The following CREB5 variants were observed in gnomAD, a reference collection of about 807,000 sequenced individuals.
The protein encoded by CREB5 is cyclic AMP-responsive element-binding protein 5.
CREB5 carries 19 observed loss-of-function variants against 57.1 expected under a neutral mutation model. The ratio of observed to expected loss-of-function variants is 0.33; its 90% CI spans 0.23 to 0.49. The LOEUF is 0.49. Ranked by LOEUF, CREB5 falls within the 20% of genes least tolerant of loss-of-function variation. The pLI, the probability that CREB5 is intolerant of heterozygous loss-of-function variation, is 0.99. For synonymous variants in CREB5, 238 were observed against 238.3 expected (o/e 1.00, Z 0.01); for missense variants, 579 against 671.6 (o/e 0.86, Z 1.52).
intron 1 of CREB5, among the ~76,000 whole-genome samples, chr7:28,445,650 C>CA (rs1789413437): frequency 6.6e-6 from 1 of 151,982 alleles, no homozygotes; most frequent in African/African-American, 2.4e-5. Flanking sequence ...CTCCCAGGTT[C>CA]ACGCCATTCT....
At chr7:28,347,101 C>A (rs189704517) in intron 1 of CREB5, among the ~76,000 whole-genome samples, 1 of 152,298 alleles carries the variant, frequency 6.6e-6, no homozygotes, top group Admixed American at 6.5e-5. Context: ...ATCTTGTACA[C>A]TGTGGCCCTG....
At chr7:28,715,799 T>C (rs965791569) in intron 5 of CREB5, among the ~76,000 whole-genome samples, 10 of 152,224 alleles carry the variant, frequency 6.6e-5, no homozygotes, top group Admixed American at 1.3e-4. Flanking sequence ...TCCAAACATA[T>C]AGGGATCTCA....
At chr7:28,579,327 G>A (rs1438936088) in intron 5 of CREB5, among the ~76,000 whole-genome samples, 2 of 152,292 alleles carry the variant, frequency 1.3e-5, no homozygotes, top group Non-Finnish European at 1.5e-5. Flanking sequence ...TTAGCAGGTA[G>A]TCTAGTAATC....
At chr7:28,813,200 A>G (rs1257881539) in intron 9 of CREB5, among the ~76,000 whole-genome samples, 2 of 152,160 alleles carry the variant, frequency 1.3e-5, no homozygotes, top group Non-Finnish European at 2.9e-5. Flanking sequence ...TCTCCTGTTG[A>G]CCTAACCCAC....
intron 5 of CREB5, among the ~76,000 whole-genome samples, chr7:28,640,701 A>C (rs569732995): frequency 1.7e-3 from 253 of 152,296 alleles, no homozygotes; most frequent in Middle Eastern, 3.4e-3. Flanking sequence ...GAGTGTTGCC[A>C]GGACAGCATT....
rs1438754128 is a variant in CREB5 at position 28,570,529 on chromosome 7, C to T, written c.456C>T (p.Arg152=). The T allele has an allele frequency of 6.2e-7, 1 of 1,613,800 alleles. No individual in the cohort carries two copies. The highest frequency in any genetic ancestry group is 1.3e-5 in the African/African-American group (1 of 75,042). The stretch of plus-strand genomic sequence containing the variant: ...TCACTCAGGCACCTTCCACCAACCG[C>T]CAGATCGGGTAAGGAGCCCTCCTTG... ...SVITQAPSTN[R]QIGPVPGSLS... The change falls in exon 5 of 11, where the codon CGC becomes CGT. Residue 152 remains arginine, a synonymous_variant. Coordinates refer to ENST00000357727, the MANE Select transcript of CREB5 (RefSeq NM_182898.4).
intron 5 of CREB5, among the ~76,000 whole-genome samples, chr7:28,665,332 C>G (rs1799780555): frequency 1.3e-5 from 2 of 152,182 alleles, no homozygotes; most frequent in Admixed American, 1.3e-4. Flanking sequence ...TTAGAAAACT[C>G]TGCTTAATAC....
chr7:28,362,517 A>T (rs1786507242), intron 1 of CREB5, among the ~76,000 whole-genome samples: 2 of 152,202 alleles, frequency 1.3e-5, no homozygotes, highest in Non-Finnish European at 2.9e-5. Flanking sequence ...CAAGTGCATG[A>T]GAGATTTAAA....
intron 9 of CREB5, among the ~76,000 whole-genome samples, chr7:28,814,381 G>A (rs1173198877): frequency 1.3e-5 from 2 of 152,118 alleles, no homozygotes; most frequent in African/African-American, 2.4e-5. Flanking sequence ...TGAAGGCTCC[G>A]TAGATGCTCT....
At chr7:28,560,861 TGTGCCTGCGTGC>T (rs1436836595) in intron 4 of CREB5, among the ~76,000 whole-genome samples, 1 of 45,862 alleles carries the variant, frequency 2.2e-5, no homozygotes, top group African/African-American at 8.8e-5. Context: ...TGTGTGTGCG[TGTGCCTGCGTGC>T]GCGTGCGTGC....
chr7:28,591,431 C>T (rs571275057), intron 5 of CREB5, among the ~76,000 whole-genome samples: 1 of 152,114 alleles, frequency 6.6e-6, no homozygotes, highest in Admixed American at 6.6e-5. Flanking sequence ...TGCTTAGTAC[C>T]GTGCTTGTAA....
rs547517608 is a variant in CREB5, at chr7:28,443,435, T to C, written c.3+30518T>C. On this transcript the variant is annotated intron_variant, in intron 1 of 10. Coordinates refer to ENST00000357727, the MANE Select transcript of CREB5 (RefSeq NM_182898.4). ...CTGCTCCAGAGGGACACACTAAGTC[T>C]GTCTTCTAACTCTGCTGTGCAAACA... Among the ~76,000 whole-genome samples, 11 of 152,314 alleles carry C rather than the reference T, an allele frequency of 7.2e-5. 2 individuals are homozygous for C. In the South Asian group the frequency reaches 1.2e-3, roughly 17 times the overall value.
chr7:28,358,498 A>G (rs1482561789), intron 1 of CREB5, among the ~76,000 whole-genome samples: 2 of 152,244 alleles, frequency 1.3e-5, no homozygotes, highest in African/African-American at 4.8e-5. Context: ...CAGATGGGAC[A>G]GGCCGGGAGC....
At chr7:28,389,792 A>C (rs554409522) in intron 1 of CREB5, among the ~76,000 whole-genome samples, 6 of 152,284 alleles carry the variant, frequency 3.9e-5, no homozygotes, top group African/African-American at 1.4e-4. Context: ...TGGCTTATTT[A>C]ATGCAGAAGT....
intron 5 of CREB5, among the ~76,000 whole-genome samples, chr7:28,634,120 C>T (rs1344045550): frequency 1.3e-5 from 2 of 152,156 alleles, no homozygotes; most frequent in Admixed American, 1.3e-4. Flanking sequence ...TGATCTTGGT[C>T]TTTCCCATTA....
At chr7:28,659,778 G>C (rs745879290) in intron 5 of CREB5, among the ~76,000 whole-genome samples, 40 of 152,194 alleles carry the variant, frequency 2.6e-4, no homozygotes, top group Non-Finnish European at 2.8e-4. Context: ...GACAAACTGA[G>C]TCCATATGCC....
intron 1 of CREB5, among the ~76,000 whole-genome samples, chr7:28,306,373 C>G (rs1785182457): frequency 6.6e-6 from 1 of 152,094 alleles, no homozygotes; most frequent in African/African-American, 2.4e-5. Context: ...CTGACCTCTG[C>G]CATTTTTTTA....
chr7:28,403,202 C>T (rs950081769), intron 1 of CREB5, among the ~76,000 whole-genome samples: 1 of 152,190 alleles, frequency 6.6e-6, no homozygotes, highest in Non-Finnish European at 1.5e-5. Context: ...GGTACCATCT[C>T]CTTCAAATAC....
At chr7:28,657,518 C>T (rs1799376448) in intron 5 of CREB5, among the ~76,000 whole-genome samples, 1 of 152,006 alleles carries the variant, frequency 6.6e-6, no homozygotes, top group Non-Finnish European at 1.5e-5. Context: ...ATCACAAGGT[C>T]AGGAGTTCGA....
Sources: gnomAD v4.1 joint callset for allele counts (sites outside exome capture counted in the v4.1 genomes callset) on GRCh38, gnomAD v4.1.1 for gene constraint, MANE v1.5 for transcripts, NCBI Gene and HGNC (gene_info 2026-07-23, HGNC 2026-07-21) for gene names.